Variants in ADCY2 observed in about 807,000 individuals in gnomAD.
The protein encoded by ADCY2 is adenylate cyclase type 2.
In ADCY2, 31 loss-of-function variants were observed where a neutral mutation model predicts 125.2. The observed-to-expected ratio is 0.25, with a 90% CI of 0.19 to 0.33. ADCY2 has a LOEUF of 0.33. Ranked by LOEUF, ADCY2 falls within the 10% of genes least tolerant of loss-of-function variation. The pLI is 1.00. For synonymous variants in ADCY2, 512 were observed against 548.4 expected (o/e 0.93, Z 0.93); for missense variants, 904 against 1,418.2 (o/e 0.64, Z 5.82).
chr5:7,590,389 T>C (rs528218938), intron 3 of ADCY2, among the ~76,000 whole-genome samples: 1 of 152,326 alleles, frequency 6.6e-6, no homozygotes, highest in Non-Finnish European at 1.5e-5. Context: ...GCTGCGAAAT[T>C]AGATTACATT....
At chr5:7,705,567 C>CCGGTG (rs1269358436) in intron 7 of ADCY2, among the ~76,000 whole-genome samples, 1 of 151,826 alleles carries the variant, frequency 6.6e-6, no homozygotes, top group Non-Finnish European at 1.5e-5. Context: ...TGGGGACACC[C>CCGGTG]CGGTGCTGGG....
intron 4 of ADCY2, among the ~76,000 whole-genome samples, chr5:7,638,792 C>A (rs976144590): frequency 6.6e-6 from 1 of 152,188 alleles, no homozygotes; most frequent in African/African-American, 2.4e-5. Flanking sequence ...ACTCTGAAAT[C>A]TTTGGCGGTG....
intron 21 of ADCY2, among the ~76,000 whole-genome samples, chr5:7,803,718 G>A (rs1031045694): frequency 6.6e-6 from 1 of 151,980 alleles, no homozygotes; most frequent in Non-Finnish European, 1.5e-5. Flanking sequence ...GGGCTACATA[G>A]GGAGACCCTG....
At chr5:7,562,280 T>A (rs972538588) in intron 3 of ADCY2, among the ~76,000 whole-genome samples, 1 of 151,998 alleles carries the variant, frequency 6.6e-6, no homozygotes, top group African/African-American at 2.4e-5. Flanking sequence ...TTTATAATAA[T>A]TTTTAATATT....
Position 7,822,155 on chromosome 5 carries a change from C to A in ADCY2, c.3123+1466C>A, listed in dbSNP as rs1745321509. Among the ~76,000 whole-genome samples the A allele has an allele frequency of 2.0e-5, 3 of 152,304 alleles. No homozygotes were observed. The South Asian group carries it at 6.2e-4, about 32-fold the overall frequency. The stretch of plus-strand genomic sequence containing the variant: ...AGGTGCATGTCATTACATTTTAAAT[C>A]TACCATTATACTCTTGGATAATATA... On this transcript the variant is annotated intron_variant, in intron 24 of 24. Transcript: ENST00000338316.
chr5:7,694,928 C>T (rs773872312), intron 5 of ADCY2, among the ~76,000 whole-genome samples: 3 of 152,192 alleles, frequency 2.0e-5, no homozygotes, highest in Non-Finnish European at 4.4e-5. Context: ...TCATCCACAA[C>T]CATTATTTGT....
chr5:7,640,562 T>C (rs995303149), intron 4 of ADCY2, among the ~76,000 whole-genome samples: 2 of 152,192 alleles, frequency 1.3e-5, no homozygotes, highest in Admixed American at 6.5e-5. Context: ...AAATTTAAAA[T>C]GTCTTTAAAT....
chr5:7,520,673 A>C, intron 2 of ADCY2, 65 bp from the exon 3 acceptor site: 1 of 1,579,568 alleles, frequency 6.3e-7, no homozygotes, highest in East Asian at 2.2e-5. Context: ...AGTGGCATGG[A>C]AACAGGAGGC....
At chr5:7,446,695 G>T (rs1156817689) in intron 2 of ADCY2, among the ~76,000 whole-genome samples, 1 of 152,126 alleles carries the variant, frequency 6.6e-6, no homozygotes, top group African/African-American at 2.4e-5. Flanking sequence ...AGCATTCTTG[G>T]TCTCAGTTCT....
chr5:7,413,904 A>C (rs1739833457), intron 1 of ADCY2, among the ~76,000 whole-genome samples: 1 of 152,224 alleles, frequency 6.6e-6, no homozygotes, highest in African/African-American at 2.4e-5. Flanking sequence ...ATTAGTAAGA[A>C]GTGAATAATA....
intron 16 of ADCY2, among the ~76,000 whole-genome samples, chr5:7,764,672 A>G (rs1743327866): frequency 6.6e-6 from 1 of 152,372 alleles, no homozygotes; most frequent in Admixed American, 6.5e-5. Context: ...GATTGATGAC[A>G]TCATTGTCCC....
At chr5:7,825,954 G>A (rs565077649) in intron 24 of ADCY2, among the ~76,000 whole-genome samples, 2 of 152,332 alleles carry the variant, frequency 1.3e-5, no homozygotes, top group East Asian at 1.9e-4. Context: ...CAGCTGCCGG[G>A]TCCCTCGCCT....
chr5:7,811,330 A>G (rs1381380885), intron 22 of ADCY2, among the ~76,000 whole-genome samples: 3 of 151,998 alleles, frequency 2.0e-5, no homozygotes, highest in Non-Finnish European at 4.4e-5. Context: ...GTGAAACCCC[A>G]TCTCTACTAA....
intron 22 of ADCY2, among the ~76,000 whole-genome samples, chr5:7,816,327 T>G (rs963191570): frequency 6.6e-6 from 1 of 152,242 alleles, no homozygotes; most frequent in South Asian, 2.1e-4. Context: ...GACTGACCCC[T>G]GTGGAAAGCC....
chr5:7,429,014 CAGAGAG>C (rs3033090), intron 2 of ADCY2, among the ~76,000 whole-genome samples: 110,618 of 149,822 alleles, frequency 0.74, 41,006 homozygotes, highest in African/African-American at 0.77. Flanking sequence ...AAGAGTTGCA[CAGAGAG>C]AGAGAGAGAG....
intron 2 of ADCY2, among the ~76,000 whole-genome samples, chr5:7,419,313 T>TG (rs2126345221): frequency 6.6e-6 from 1 of 152,184 alleles, no homozygotes; most frequent in Admixed American, 6.5e-5. Flanking sequence ...GATTGCTACA[T>TG]GGGGAGAATA....
In ADCY2 at chr5:7,512,218, CAAAA is replaced by C. The variant is rs57381383; in HGVS notation, c.409-8501_409-8498del. Among the ~76,000 whole-genome samples the C allele has an allele frequency of 2.5e-3, 142 of 57,912 alleles. 2 individuals carry two copies. Among genetic ancestry groups the C allele is most frequent in the Admixed American group, 5.7e-3 (20 of 3,492 alleles). 38.0% of individuals were successfully genotyped at this position (57,912 alleles called of 152,430 possible). On this transcript the variant is annotated intron_variant, in intron 2 of 24. Coordinates refer to ENST00000338316, the MANE Select transcript of ADCY2 (RefSeq NM_020546.3). ...CCTGGGCAGTAGAGCATGACTCCAT[CAAAA>C]AAAAAAAAAAAAAAAAAAGAAAACC...
intron 2 of ADCY2, among the ~76,000 whole-genome samples, chr5:7,467,635 T>C (rs1742173709): frequency 6.6e-6 from 1 of 152,192 alleles, no homozygotes; most frequent in African/African-American, 2.4e-5. Flanking sequence ...ATTTATAGGA[T>C]CTTTCTAACA....
At chr5:7,411,794 G>A (rs1169446918) in intron 1 of ADCY2, among the ~76,000 whole-genome samples, 1 of 152,186 alleles carries the variant, frequency 6.6e-6, no homozygotes, top group Non-Finnish European at 1.5e-5. Flanking sequence ...AGAGAAGCAC[G>A]GCCGGGCGCG....
Sources: gnomAD v4.1 joint callset for allele counts (sites outside exome capture counted in the v4.1 genomes callset) on GRCh38, gnomAD v4.1.1 for gene constraint, MANE v1.5 for transcripts, NCBI Gene and HGNC (gene_info 2026-07-23, HGNC 2026-07-21) for gene names.